The following ASAP1 variants were observed in gnomAD, a reference collection of about 807,000 sequenced individuals.
ASAP1 encodes arf-GAP with SH3 domain, ANK repeat and PH domain-containing protein 1.
Under a neutral mutation model 145.2 loss-of-function variants are expected in ASAP1, and 43 were observed. The ratio of observed to expected loss-of-function variants is 0.30; its 90% CI spans 0.23 to 0.38. The LOEUF (loss-of-function observed/expected upper bound fraction) is 0.38, where lower values mean the gene tolerates loss of function less well. ASAP1 is among the 10% of genes least tolerant of loss of function. The probability of loss-of-function intolerance (pLI) is 1.00; values close to 1 mark genes in which losing one functional copy is unlikely to be tolerated. For missense variants in ASAP1, 1,018 were observed against 1,355.3 expected, an observed-to-expected ratio of 0.75 and a Z score of 3.91; for synonymous variants, 546 against 515.5, an observed-to-expected ratio of 1.06 and a Z score of -0.80.
At chr8:130,180,231 C>T (rs192723603) in intron 8 of ASAP1, among the ~76,000 whole-genome samples, 8 of 152,230 alleles carry the variant, frequency 5.3e-5, no homozygotes, top group Non-Finnish European at 8.8e-5. Context: ...ACTCAACAGC[C>T]GTGTCAGAAC....
intron 2 of ASAP1, among the ~76,000 whole-genome samples, chr8:130,398,216 G>C (rs1327178355): frequency 2.0e-5 from 3 of 152,182 alleles, no homozygotes; most frequent in Non-Finnish European, 4.4e-5. Context: ...ACATCACCCA[G>C]ATCAGGAAAC....
chr8:130,300,759 C>T (rs984960840), intron 3 of ASAP1, among the ~76,000 whole-genome samples: 1 of 152,202 alleles, frequency 6.6e-6, no homozygotes, highest in Non-Finnish European at 1.5e-5. Flanking sequence ...CCTTTCTAAA[C>T]AACTGGATTC....
chr8:130,122,020 C>T (rs2097567018), intron 18 of ASAP1, among the ~76,000 whole-genome samples: 1 of 152,068 alleles, frequency 6.6e-6, no homozygotes, highest in Non-Finnish European at 1.5e-5. Context: ...ATATGCCTTA[C>T]TGCCCCTTGG....
intron 3 of ASAP1, among the ~76,000 whole-genome samples, chr8:130,339,949 C>T (rs1359720863): frequency 6.6e-6 from 1 of 152,170 alleles, no homozygotes; most frequent in Non-Finnish European, 1.5e-5. Flanking sequence ...TCCTCACTTC[C>T]ACCATACACA....
chr8:130,346,029 T>C (rs549281381), intron 3 of ASAP1, among the ~76,000 whole-genome samples: 1 of 152,290 alleles, frequency 6.6e-6, no homozygotes, highest in South Asian at 2.1e-4. Flanking sequence ...CCCAGAGAGG[T>C]AGACTTAACC....
chr8:130,096,344 C>G (rs1019939613), intron 24 of ASAP1, among the ~76,000 whole-genome samples: 1 of 151,932 alleles, frequency 6.6e-6, no homozygotes, highest in Non-Finnish European at 1.5e-5. Flanking sequence ...AAAGCTGAAA[C>G]AAAATAAAAT....
At chr8:130,186,499 A>G (rs1814740088) in intron 7 of ASAP1, among the ~76,000 whole-genome samples, 1 of 152,086 alleles carries the variant, frequency 6.6e-6, no homozygotes. Flanking sequence ...TGGTGTTACA[A>G]ATGTCTCAGG....
chr8:130,283,587 G>GA lies in ASAP1; in HGVS notation c.187-46594dup, dbSNP rs71304303. 1.9e-3 allele frequency among the ~76,000 whole-genome samples: 39 copies of GA among 20,882 alleles called. 2 individuals are homozygous for GA. In the East Asian group the frequency reaches 0.024, roughly 13 times the overall value. The allele number at this position is 20,882 out of a possible 152,430, so 13.7% of individuals were successfully genotyped here. ...ACAGAACAAGACTCCATCACAGAAA[G>GA]AAAAAAAAAAAAAAAAAAAAAAAAA... On this transcript the variant is annotated intron_variant, in intron 3 of 29. Coordinates refer to ENST00000518721, the MANE Select transcript of ASAP1 (RefSeq NM_018482.4).
Position 130,180,800 on chromosome 8 carries a change from G to A in ASAP1, c.611C>T (p.Ala204Val), listed in dbSNP as rs1814303959. 3 of 1,613,108 alleles carry A rather than the reference G, an allele frequency of 1.9e-6. No individual in the cohort carries two copies. The highest frequency in any genetic ancestry group is 1.1e-5 in the South Asian group (1 of 90,946). ...GCGCCTTTCCTTCTCCATTTCTTCC[G>A]CAATCTCAGCTCCTGTTATCTCTGT... ...IRTEITGAEI[A>V]EEMEKERRLF... Residue 204 changes from alanine to valine, a missense_variant, in exon 8 of 30, where the codon GCG (alanine) becomes GTG (valine). Coordinates refer to ENST00000518721, the MANE Select transcript of ASAP1 (RefSeq NM_018482.4).
chr8:130,132,792 A>G (rs185453792), intron 15 of ASAP1, among the ~76,000 whole-genome samples: 1 of 151,986 alleles, frequency 6.6e-6, no homozygotes, highest in East Asian at 1.9e-4. Flanking sequence ...GACCTTTCTC[A>G]TCCTTTTCCT....
At chr8:130,438,776 C>T (rs1399328477) in intron 1 of ASAP1, among the ~76,000 whole-genome samples, 3 of 152,260 alleles carry the variant, frequency 2.0e-5, no homozygotes, top group South Asian at 2.1e-4. Flanking sequence ...AGAGCTCTGA[C>T]GAAGGAGTGA....
chr8:130,183,021 G>A (rs1195633160), intron 7 of ASAP1, among the ~76,000 whole-genome samples: 2 of 151,866 alleles, frequency 1.3e-5, no homozygotes, highest in Non-Finnish European at 2.9e-5. Flanking sequence ...ATTATATAAT[G>A]AAAATTCCCG....
At chr8:130,151,157 G>A (rs1289084357) in intron 13 of ASAP1, among the ~76,000 whole-genome samples, 2 of 151,968 alleles carry the variant, frequency 1.3e-5, no homozygotes, top group Non-Finnish European at 2.9e-5. Context: ...CAGATCACAA[G>A]GTCAGGAGTT....
intron 2 of ASAP1, among the ~76,000 whole-genome samples, chr8:130,388,040 G>C (rs1828104298): frequency 1.3e-5 from 2 of 152,242 alleles, no homozygotes; most frequent in Non-Finnish European, 2.9e-5. Flanking sequence ...GAGTGGCTAG[G>C]AAGATCTGTC....
rs1302499518 is a variant in ASAP1, at chr8:130,053,989, T to G, written c.*742A>C. 1 of 152,650 alleles carries G rather than the reference T, an allele frequency of 6.6e-6. No individual in the cohort carries two copies. The highest frequency in any genetic ancestry group is 6.5e-5 in the Admixed American group (1 of 15,288). The allele number at this position is 152,650 out of a possible 1,614,324, so 9.5% of individuals were successfully genotyped here. A position where few individuals can be genotyped will look rare whatever the true frequency, so the allele number is the denominator to read the frequency against. On this transcript the variant is annotated 3_prime_UTR_variant, in exon 30 of 30. Transcript: ENST00000518721. ...AGTCCTTGGTTCCTGAAATTTGAAC[T>G]TCATATGTGTTTTAAACTTTTGTCA...
At chr8:130,322,511 A>G (rs1350059037) in intron 3 of ASAP1, among the ~76,000 whole-genome samples, 1 of 152,184 alleles carries the variant, frequency 6.6e-6, no homozygotes, top group East Asian at 1.9e-4. Context: ...CAGGCTGCAG[A>G]TGGCACATAT....
Position 130,071,009 on chromosome 8 carries a change from G to GAGAGAGAGAGA in ASAP1, c.2701+5338_2701+5339insTCTCTCTCTCT, listed in dbSNP as rs1450787966. Among the ~76,000 whole-genome samples the GAGAGAGAGAGA allele has an allele frequency of 7.6e-3, 53 of 7,012 alleles. 15 individuals are homozygous for GAGAGAGAGAGA. Among genetic ancestry groups the GAGAGAGAGAGA allele is most frequent in the African/African-American group, 0.047 (52 of 1,102 alleles). The allele number at this position is 7,012 out of a possible 152,430, so 4.6% of individuals were successfully genotyped here. A position where few individuals can be genotyped will look rare whatever the true frequency, so the allele number is the denominator to read the frequency against. ...GGAGAGAGAGAGAGAGAGGGGAGGG[G>GAGAGAGAGAGA]GGGAGAGAGAGAGAGAGAGAGAGAG... On this transcript the variant is annotated intron_variant, in intron 27 of 29. Transcript: ENST00000518721.
chr8:130,099,370 C>T (rs1037249517), intron 24 of ASAP1, among the ~76,000 whole-genome samples: 8 of 151,994 alleles, frequency 5.3e-5, no homozygotes, highest in South Asian at 4.1e-4. Context: ...TTAGTAGAGA[C>T]GGGGTTTCAC....
chr8:130,375,879 T>C (rs1391640601), intron 2 of ASAP1, among the ~76,000 whole-genome samples: 1 of 152,228 alleles, frequency 6.6e-6, no homozygotes, highest in Non-Finnish European at 1.5e-5. Flanking sequence ...ATACCTTTGC[T>C]GATGTGCCTG....
Sources: gnomAD v4.1 joint callset for allele counts (sites outside exome capture counted in the v4.1 genomes callset) on GRCh38, gnomAD v4.1.1 for gene constraint, MANE v1.5 for transcripts, NCBI Gene and HGNC (gene_info 2026-07-23, HGNC 2026-07-21) for gene names.